Variants in DNASE1 observed in about 807,000 individuals in gnomAD.
The protein encoded by DNASE1 is deoxyribonuclease 1, also known as deoxyribonuclease-1.
In DNASE1, 40 loss-of-function variants were observed where a neutral mutation model predicts 33.9. The observed-to-expected ratio is 1.18, with a 90% CI of 0.92 to 1.54. The LOEUF (loss-of-function observed/expected upper bound fraction) is 1.54. DNASE1 is among the 40% of genes most tolerant of loss of function. The probability of loss-of-function intolerance (pLI) is 0.00; values close to 1 mark genes in which losing one functional copy is unlikely to be tolerated. For synonymous variants in DNASE1, 216 were observed against 160.0 expected, an observed-to-expected ratio of 1.35 and a Z score of -2.64; for missense variants, 518 against 372.6, an observed-to-expected ratio of 1.39 and a Z score of -3.21.
chr16:3,664,364 G>T, exon 10 of DNASE1: 1 of 1,613,014 alleles, frequency 6.2e-7, no homozygotes, highest in Non-Finnish European at 8.5e-7. Flanking sequence ...TGTTGCGGGT[G>T]CCGGCCCGCA....
At chr16:3,659,025 T>G (rs992912602), downstream of DNASE1, 8 of 709,040 alleles carry the variant, frequency 1.1e-5, no homozygotes, top group Middle Eastern at 2.4e-4. Context: ...AATATCATTA[T>G]ATACCCAGAA....
chr16:3,629,799 G>C (rs2041637726), intron 1 of DNASE1, among the ~76,000 whole-genome samples: 1 of 146,592 alleles, frequency 6.8e-6, no homozygotes, highest in African/African-American at 2.7e-5. Context: ...ATTTAGTCTT[G>C]GTAGGGGTTT....
chr16:3,658,671 C>CAA, downstream of DNASE1: 1 of 885,036 alleles, frequency 1.1e-6, no homozygotes. Context: ...CACTCCATCT[C>CAA]AAAAAACAAA....
intron 1 of DNASE1, among the ~76,000 whole-genome samples, chr16:3,622,509 G>C (rs1456280886): frequency 6.6e-6 from 1 of 152,136 alleles, no homozygotes; most frequent in Admixed American, 6.6e-5. Context: ...GTAAGATTAT[G>C]TGATTAATCT....
intron 4 of DNASE1, among the ~76,000 whole-genome samples, 170 bp from the exon 5 acceptor site, chr16:3,656,468 G>T (rs2042636184): frequency 8.1e-6 from 1 of 123,810 alleles, no homozygotes; most frequent in South Asian, 3.1e-4. Context: ...GGTTGAGCAG[G>T]TGCCTGGCTC....
rs1567209139 is a variant in DNASE1, at chr16:3,655,891, G to C, written c.190G>C (p.Asp64His). 1 of 1,614,016 alleles carries C rather than the reference G, an allele frequency of 6.2e-7. No homozygotes were observed. Among genetic ancestry groups the C allele is most frequent in the Non-Finnish European group, 8.5e-7 (1 of 1,180,016 alleles). The part of the protein sequence containing the change: ...YDIALVQEVR[D>H]SHLTAVGKLL... ...CATCGCCCTGGTCCAGGAGGTCAGA[G>C]ACAGCCACCTGACTGCCGTGGGGAA... The change falls in exon 3 of 9, where the codon GAC becomes CAC. Residue 64 changes from aspartate to histidine, a missense_variant. Transcript: ENST00000246949.
intron 1 of DNASE1, among the ~76,000 whole-genome samples, chr16:3,620,077 G>A (rs1411348298): frequency 6.6e-6 from 1 of 151,914 alleles, no homozygotes; most frequent in African/African-American, 2.4e-5. Context: ...CATCACGCCT[G>A]GCCAATTTTT....
At chr16:3,661,888 A>C (rs185540733), downstream of DNASE1, 116 of 1,424,432 alleles carry the variant, frequency 8.1e-5, no homozygotes, top group African/African-American at 1.4e-3. Flanking sequence ...CACAGGCCTC[A>C]CGCACTTTTC....
intron 1 of DNASE1, among the ~76,000 whole-genome samples, chr16:3,613,306 A>G (rs2040975885): frequency 6.6e-6 from 1 of 152,210 alleles, no homozygotes; most frequent in African/African-American, 2.4e-5. Flanking sequence ...TCAGTACTGC[A>G]TGCCTTTTCA....
At chr16:3,644,396 C>G (rs2042109632) in intron 1 of DNASE1, among the ~76,000 whole-genome samples, 1 of 152,142 alleles carries the variant, frequency 6.6e-6, no homozygotes, top group Non-Finnish European at 1.5e-5. Context: ...AACCTTCTCT[C>G]TACTAAAAAT....
In DNASE1 at chr16:3,630,168, GT is replaced by G. The variant is rs2041652913; in HGVS notation, c.-1358-10541del. On this transcript the variant is annotated intron_variant and NMD_transcript_variant, in intron 1 of 11. Coordinates refer to the DNASE1 transcript ENST00000570769. ...GTGTGTGTGTGTTTGTTGTTGTTTTGTTTTTTGTTGTTTTTGTTGTTGTTGT... is the reference window on the plus strand; with the variant it reads ...GTGTGTGTGTGTTTGTTGTTGTTTTGTTTTTGTTGTTTTTGTTGTTGTTGT... Among the ~76,000 whole-genome samples, 4 of 150,920 alleles carry G rather than the reference GT, an allele frequency of 2.7e-5. No individual in the cohort carries two copies. In the South Asian group the frequency reaches 8.4e-4, roughly 32 times the overall value.
intron 1 of DNASE1, among the ~76,000 whole-genome samples, chr16:3,612,596 G>T (rs1314818646): frequency 2.8e-5 from 4 of 144,512 alleles, no homozygotes; most frequent in Non-Finnish European, 6.1e-5. Context: ...GGGGGCGGGG[G>T]GGGGAGTCTC....
intron 2 of DNASE1, 79 bp downstream of exon 2, chr16:3,655,599 G>A: frequency 1.2e-6 from 2 of 1,601,124 alleles, no homozygotes; most frequent in Non-Finnish European, 1.7e-6. Flanking sequence ...GCCCTATGGA[G>A]CCACAGGGTG....
At chr16:3,616,351 T>G (rs117965086) in intron 1 of DNASE1, among the ~76,000 whole-genome samples, 12,960 of 152,336 alleles carry the variant, frequency 0.085, 594 homozygotes, top group African/African-American at 0.12. Context: ...CCGGGTGCGG[T>G]GGCTCACGCC....
chr16:3,619,259 C>G (rs988147308), intron 1 of DNASE1, among the ~76,000 whole-genome samples: 1 of 152,184 alleles, frequency 6.6e-6, no homozygotes, highest in African/African-American at 2.4e-5. Flanking sequence ...TGATCTCAAA[C>G]TCCTGCGCTC....
chr16:3,613,487 C>G (rs543204333), intron 1 of DNASE1, among the ~76,000 whole-genome samples: 1 of 152,152 alleles, frequency 6.6e-6, no homozygotes. Flanking sequence ...GGTAAGACTA[C>G]ATTTGATTCT....
intron 3 of DNASE1, 51 bp from the exon 4 acceptor site, chr16:3,656,051 A>T: frequency 6.2e-7 from 1 of 1,611,114 alleles, no homozygotes; most frequent in Non-Finnish European, 8.5e-7. Context: ...CGGCAGCCAG[A>T]GGGGTCCCCT....
Position 3,628,669 on chromosome 16 carries a change from C to A in DNASE1, c.-1358-12046C>A, listed in dbSNP as rs375630346. Among the ~76,000 whole-genome samples, 9 of 151,580 alleles carry A rather than the reference C, an allele frequency of 5.9e-5. No homozygotes were observed. In the East Asian group the frequency reaches 1.8e-3, roughly 30 times the overall value. ...CGCCTCCCGGGTTCACGCCATTCTT[C>A]TGCCTCAGGCTCCCGAATAGCTGGG... On this transcript the variant is annotated intron_variant and NMD_transcript_variant, in intron 1 of 11. Coordinates refer to the DNASE1 transcript ENST00000570769.
upstream of DNASE1, among the ~76,000 whole-genome samples, chr16:3,641,457 C>T (rs1205551453): frequency 1.3e-5 from 2 of 152,192 alleles, no homozygotes; most frequent in Non-Finnish European, 2.9e-5. Flanking sequence ...GGGAGCCCCT[C>T]AGTGGCTGGT....
Sources: gnomAD v4.1 joint callset for allele counts (sites outside exome capture counted in the v4.1 genomes callset) on GRCh38, gnomAD v4.1.1 for gene constraint, MANE v1.5 for transcripts, NCBI Gene and HGNC (gene_info 2026-07-23, HGNC 2026-07-21) for gene names.